The following KIF20B variants were observed in gnomAD, a reference collection of about 807,000 sequenced individuals.
KIF20B encodes kinesin family member 20B.
Under a neutral mutation model 232.5 loss-of-function variants are expected in KIF20B, and 188 were observed. That is an observed-to-expected ratio of 0.81 (90% CI 0.72 to 0.91). The LOEUF (loss-of-function observed/expected upper bound fraction) is 0.91, where lower values mean the gene tolerates loss of function less well. KIF20B is among the 40% of genes least tolerant of loss of function. The probability of loss-of-function intolerance (pLI) is 0.00; values close to 1 mark genes in which losing one functional copy is unlikely to be tolerated. For missense variants in KIF20B, 2,154 were observed against 2,055.9 expected, an observed-to-expected ratio of 1.05 and a Z score of -0.92; for synonymous variants, 712 against 683.0, an observed-to-expected ratio of 1.04 and a Z score of -0.66.
chr10:89,756,786 AC>A (rs932304934), intron 26 of KIF20B, among the ~76,000 whole-genome samples: 5 of 151,978 alleles, frequency 3.3e-5, no homozygotes, highest in African/African-American at 1.2e-4. Context: ...ATTTGATTGT[AC>A]CTGACTTCTT....
At chr10:89,747,506 A>G (rs1289626240) in intron 23 of KIF20B, among the ~76,000 whole-genome samples, 1 of 151,482 alleles carries the variant, frequency 6.6e-6, no homozygotes, top group Non-Finnish European at 1.5e-5. Flanking sequence ...ACAATGATAG[A>G]CTGGATGAAG....
intron 20 of KIF20B, 67 bp from the exon 21 acceptor site, chr10:89,738,891 A>G: frequency 6.8e-7 from 1 of 1,477,660 alleles, no homozygotes; most frequent in Middle Eastern, 1.8e-4. Context: ...GATTGTTACC[A>G]TTTCACATGT....
chr10:89,735,276 G>C (rs1438999796), intron 19 of KIF20B, among the ~76,000 whole-genome samples: 2 of 152,068 alleles, frequency 1.3e-5, no homozygotes, highest in Non-Finnish European at 2.9e-5. Flanking sequence ...TAGAAAAGAA[G>C]AACATATGTG....
rs1310762142 is a variant in KIF20B, at chr10:89,739,048, A to G, written c.3867A>G (p.Lys1289=). Reference sequence around the variant, plus strand: ...AGGAAGAAGATTATGCTGACCTGAAAGAGAAACTGACTGATGCCAAAAAGC... The same window carrying G: ...AGGAAGAAGATTATGCTGACCTGAAGGAGAAACTGACTGATGCCAAAAAGC... ...QRKEEDYADL[K]EKLTDAKKQI... Residue 1289 remains lysine (K), a synonymous_variant, in exon 21 of 33, where the codon AAA becomes AAG. Transcript: ENST00000371728. The G allele has an allele frequency of 1.2e-6, 2 of 1,613,486 alleles. No homozygotes were observed. The highest frequency in any genetic ancestry group is 1.1e-5 in the South Asian group (1 of 91,008).
Position 89,772,727 on chromosome 10 carries a change from T to G in KIF20B, c.5281T>G (p.Ser1761Ala), listed in dbSNP as rs751317141. The change falls in exon 32 of 33, where the codon TCA becomes GCA. Residue 1761 changes from serine to alanine, a missense_variant. Transcript: ENST00000371728. ...TGAAACAATGAGCTCTTCAAAGCTC[T>G]CAAATGTAGAAGCAAGTAAAGAAAA... ...IIETMSSSKL[S>A]NVEASKENVS... 6.2e-7 allele frequency: 1 copy of G among 1,605,102 alleles called. No individual in the cohort carries two copies. Among genetic ancestry groups the G allele is most frequent in the Non-Finnish European group, 8.5e-7 (1 of 1,173,678 alleles).
chr10:89,763,540 C>T (rs1304195284), intron 29 of KIF20B, among the ~76,000 whole-genome samples: 1 of 152,082 alleles, frequency 6.6e-6, no homozygotes, highest in Non-Finnish European at 1.5e-5. Context: ...TAACTAAAAT[C>T]TTGTCTGTAT....
At chr10:89,762,177 CATAATGTT>C (rs1842255309) in intron 28 of KIF20B, among the ~76,000 whole-genome samples, 1 of 152,034 alleles carries the variant, frequency 6.6e-6, no homozygotes, top group Non-Finnish European at 1.5e-5. Context: ...CTTAGAGGAC[CATAATGTT>C]ATTTCTACCA....
Position 89,751,404 on chromosome 10 carries a change from A to G in KIF20B, c.4155A>G (p.Glu1385=), listed in dbSNP as rs754592701. 21 of 1,609,082 alleles carry G rather than the reference A, an allele frequency of 1.3e-5. No individual in the cohort carries two copies. The highest frequency in any genetic ancestry group is 1.8e-5 in the Non-Finnish European group (21 of 1,177,682). Residue 1385 remains glutamate, a synonymous_variant, in exon 24 of 33, where the codon GAA becomes GAG. Coordinates refer to ENST00000371728, the MANE Select transcript of KIF20B (RefSeq NM_001284259.2). The part of the protein sequence containing the change: ...EDMRMTLEEQ[E]QTQVEQDQVL... ...TGCGAATGACACTAGAAGAACAGGA[A>G]CAAACTCAGGTAGAACAGGATCAAG...
At position 89,715,032 on chromosome 10, in the gene KIF20B, G is replaced by A. The variant is rs1564658754; in HGVS notation, c.790G>A (p.Ala264Thr). The A allele has an allele frequency of 4.4e-6, 7 of 1,606,366 alleles. 1 individual carries two copies. Among genetic ancestry groups the A allele is most frequent in the East Asian group, 2.2e-5 (1 of 44,686 alleles). Residue 264 changes from alanine (A) to threonine (T), a missense_variant, in exon 8 of 33, where the codon GCT becomes ACT. Coordinates refer to ENST00000371728, the MANE Select transcript of KIF20B (RefSeq NM_001284259.2). Reference protein sequence around the residue: ...KDYEQANLNMANSIKFSVWVS... With the variant: ...KDYEQANLNMTNSIKFSVWVS... ...TTATGAACAAGCCAACTTGAATATG[G>A]CTAATAGTATAAAATTTTCTGTGTG...
chr10:89,773,174 T>TA (rs1311887192), intron 32 of KIF20B, among the ~76,000 whole-genome samples: 1 of 151,886 alleles, frequency 6.6e-6, no homozygotes, highest in African/African-American at 2.4e-5. Context: ...GTGTTCCTGG[T>TA]AAAAATATAA....
intron 14 of KIF20B, 68 bp from the exon 15 acceptor site, chr10:89,724,952 A>G (rs1381902550): frequency 1.4e-6 from 2 of 1,450,242 alleles, no homozygotes; most frequent in Admixed American, 1.8e-5. Flanking sequence ...TTAAACTTAG[A>G]TGTTTAAAAC....
At chr10:89,725,925 C>T (rs1242930515) in intron 15 of KIF20B, among the ~76,000 whole-genome samples, 2 of 152,068 alleles carry the variant, frequency 1.3e-5, no homozygotes, top group African/African-American at 4.8e-5. Flanking sequence ...GTATCCTTGA[C>T]GTGGTTTGGG....
intron 26 of KIF20B, among the ~76,000 whole-genome samples, chr10:89,758,177 T>C (rs1483898584): frequency 6.6e-6 from 1 of 152,044 alleles, no homozygotes; most frequent in Non-Finnish European, 1.5e-5. Context: ...TCTCTAGATC[T>C]ATTTGGAGGA....
chr10:89,764,975 C>T (rs1842324237), intron 29 of KIF20B, among the ~76,000 whole-genome samples: 1 of 151,428 alleles, frequency 6.6e-6, no homozygotes, highest in Non-Finnish European at 1.5e-5. Flanking sequence ...CTTGCCCATG[C>T]CTATGTCCTG....
rs145064025 is a variant in KIF20B at position 89,756,671 on chromosome 10, CCTT to C, written c.4503+2004_4503+2006del. On this transcript the variant is annotated intron_variant, in intron 26 of 32. Transcript: ENST00000371728. ...AGAACACTGTTCCACCCCAGAAGCT[CCTT>C]CTTCTGCCTCTTTTCCAGTGGTAAT... 3.2e-3 allele frequency among the ~76,000 whole-genome samples: 482 copies of C among 152,264 alleles called. 4 individuals are homozygous for C. The highest frequency in any genetic ancestry group is 0.011 in the African/African-American group (449 of 41,554).
In KIF20B at chr10:89,716,375, A is replaced by G. The variant is rs920750562; in HGVS notation, c.941-61A>G. 5 of 721,716 alleles carry G rather than the reference A, an allele frequency of 6.9e-6. No individual in the cohort carries two copies. The African/African-American group carries it at 7.3e-5, about 11-fold the overall frequency. 44.7% of individuals were successfully genotyped at this position (721,716 alleles called of 1,614,324 possible). ...CTAGGAAAAGACTTTCAAAGAGATT[A>G]CATTGTAGAACACATTCTTTGTCTC... On this transcript the variant is annotated intron_variant, in intron 8 of 32. Coordinates refer to ENST00000371728, the MANE Select transcript of KIF20B (RefSeq NM_001284259.2).
At chr10:89,708,196 A>C (rs1347803509) in intron 2 of KIF20B, among the ~76,000 whole-genome samples, 1 of 150,018 alleles carries the variant, frequency 6.7e-6, no homozygotes, top group East Asian at 2.0e-4. Context: ...TTTCTTAAAG[A>C]GTTTATGTAC....
intron 1 of KIF20B, among the ~76,000 whole-genome samples, chr10:89,703,602 C>T (rs1039797578): frequency 4.6e-5 from 7 of 152,036 alleles, no homozygotes; most frequent in Admixed American, 2.6e-4. Flanking sequence ...TTGATAATCC[C>T]GGGTTTTATG....
chr10:89,741,561 ATTATC>A (rs1409226494), intron 21 of KIF20B, among the ~76,000 whole-genome samples: 2 of 152,210 alleles, frequency 1.3e-5, no homozygotes, highest in Admixed American at 6.5e-5. Context: ...GAGTTGACAT[ATTATC>A]TTAATCCTCA....
Sources: gnomAD v4.1 joint callset for allele counts (sites outside exome capture counted in the v4.1 genomes callset) on GRCh38, gnomAD v4.1.1 for gene constraint, MANE v1.5 for transcripts, NCBI Gene and HGNC (gene_info 2026-07-23, HGNC 2026-07-21) for gene names.